GNAO1: variants seen among roughly 807,000 people sequenced by gnomAD.
The protein encoded by GNAO1 is guanine nucleotide-binding protein G(o) subunit alpha.
For synonymous variants in GNAO1, 164 were observed against 180.7 expected, an observed-to-expected ratio of 0.91 and a Z score of 0.74; for missense variants, 166 against 478.7, an observed-to-expected ratio of 0.35 and a Z score of 6.10.
chr16:56,270,058 G>T (rs538471364), intron 2 of GNAO1, among the ~76,000 whole-genome samples: 72 of 152,314 alleles, frequency 4.7e-4, no homozygotes, highest in Admixed American at 1.2e-3. Flanking sequence ...AGCAGAGAGA[G>T]AAATGGAGGT....
chr16:56,335,443 C>A (rs1213372569), intron 5 of GNAO1, among the ~76,000 whole-genome samples: 1 of 152,194 alleles, frequency 6.6e-6, no homozygotes. Context: ...AGCGCTGTGT[C>A]CCCACCTGCA....
At chr16:56,331,396 C>A (rs2037686928) in intron 4 of GNAO1, among the ~76,000 whole-genome samples, 1 of 152,152 alleles carries the variant, frequency 6.6e-6, no homozygotes, top group Non-Finnish European at 1.5e-5. Flanking sequence ...TCCATGCTGG[C>A]GTCCGACGTT....
intron 3 of GNAO1, among the ~76,000 whole-genome samples, chr16:56,319,774 G>T (rs935923624): frequency 6.6e-6 from 1 of 152,072 alleles, no homozygotes; most frequent in African/African-American, 2.4e-5. Context: ...ACCCACTTCT[G>T]GGGGGTACCT....
chr16:56,244,417 A>G (rs1230125818), intron 2 of GNAO1, among the ~76,000 whole-genome samples: 2 of 151,856 alleles, frequency 1.3e-5, no homozygotes, highest in Non-Finnish European at 2.9e-5. Flanking sequence ...TGGAGACCAT[A>G]GAGCATCTTT....
At position 56,351,370 on chromosome 16, in the gene GNAO1, T is replaced by C. The variant is rs1318370923; in HGVS notation, c.724-14T>C. 6.2e-7 allele frequency: 1 copy of C among 1,606,440 alleles called. No homozygotes were observed. The highest frequency in any genetic ancestry group is 8.5e-7 in the Non-Finnish European group (1 of 1,173,642). On this transcript the variant is annotated splice_polypyrimidine_tract_variant and intron_variant, in intron 6 of 8. Transcript: ENST00000262493. This position sits in a 1 kb window ranked among gnomAD's most constrained non-coding sequence, Gnocchi z 6.1. ...CCGCTGTCTGTCCTCTCTCCTCCCT[T>C]CCTGCGGCCGCAGAACCGCATGCAC...
intron 2 of GNAO1, among the ~76,000 whole-genome samples, chr16:56,228,670 T>C (rs1255854188): frequency 6.6e-6 from 1 of 152,122 alleles, no homozygotes; most frequent in Non-Finnish European, 1.5e-5. Context: ...TGGGAAGAGC[T>C]TCATGTTCAG....
At chr16:56,228,797 C>A (rs2036559410) in intron 2 of GNAO1, among the ~76,000 whole-genome samples, 1 of 152,208 alleles carries the variant, frequency 6.6e-6, no homozygotes, top group African/African-American at 2.4e-5. Context: ...TTAAGACCAC[C>A]CTATGTAAAT....
chr16:56,221,605 G>A (rs1230440252), intron 2 of GNAO1, among the ~76,000 whole-genome samples: 6 of 145,648 alleles, frequency 4.1e-5, no homozygotes, highest in African/African-American at 1.0e-4. Flanking sequence ...AGCCGAGATC[G>A]CGCCACTGCA....
At chr16:56,291,142 A>G (rs79980671) in intron 3 of GNAO1, among the ~76,000 whole-genome samples, 2,220 of 152,230 alleles carry the variant, frequency 0.015, 38 homozygotes, top group South Asian at 0.059. Flanking sequence ...TAGGGGCAAA[A>G]CTGATGGTTC....
chr16:56,251,601 A>G (rs1199066304), intron 2 of GNAO1, among the ~76,000 whole-genome samples: 1 of 152,220 alleles, frequency 6.6e-6, no homozygotes, highest in Non-Finnish European at 1.5e-5. Flanking sequence ...TTTTCCTAAC[A>G]GCCTCCTTTA....
chr16:56,275,863 T>G, intron 2 of GNAO1, 68 bp from the exon 3 acceptor site: 1 of 1,409,444 alleles, frequency 7.1e-7, no homozygotes, highest in South Asian at 1.6e-5. Context: ...GTGCGTCTCA[T>G]GCCTGTGCTC....
intron 6 of GNAO1, chr16:56,344,983 G>A (rs1250470280): frequency 1.0e-6 from 1 of 982,310 alleles, no homozygotes; most frequent in East Asian, 1.2e-4. Context: ...CCCAGCCCCT[G>A]GGGACAGAGG....
intron 2 of GNAO1, among the ~76,000 whole-genome samples, chr16:56,273,814 T>A (rs531179370): frequency 2.2e-4 from 34 of 152,366 alleles, no homozygotes; most frequent in African/African-American, 6.3e-4. Flanking sequence ...CCCCAGGCGT[T>A]CAACAAGGAC....
chr16:56,192,892 C>T (rs1379824122), intron 2 of GNAO1: 1 of 468,074 alleles, frequency 2.1e-6, no homozygotes, highest in Non-Finnish European at 3.9e-6. Context: ...TTGATCAGAA[C>T]ATCACACTAT....
At chr16:56,295,575 C>G (rs1323920268) in intron 3 of GNAO1, among the ~76,000 whole-genome samples, 2 of 152,154 alleles carry the variant, frequency 1.3e-5, no homozygotes, top group Non-Finnish European at 2.9e-5. Flanking sequence ...AAATCGAAAG[C>G]ACCACCTTTC....
intron 3 of GNAO1, among the ~76,000 whole-genome samples, chr16:56,328,327 G>A (rs181981571): frequency 1.3e-5 from 2 of 152,330 alleles, no homozygotes; most frequent in African/African-American, 2.4e-5. Flanking sequence ...TTGAGTTGGA[G>A]AGTGGAGAAC....
At chr16:56,263,035 G>A (rs2036918095) in intron 2 of GNAO1, among the ~76,000 whole-genome samples, 1 of 152,216 alleles carries the variant, frequency 6.6e-6, no homozygotes, top group Non-Finnish European at 1.5e-5. Context: ...TTAGAAACCT[G>A]TGAGAACCAA....
At chr16:56,199,535 A>G (rs1567435258) in intron 2 of GNAO1, among the ~76,000 whole-genome samples, 1 of 152,198 alleles carries the variant, frequency 6.6e-6, no homozygotes, top group Non-Finnish European at 1.5e-5. Context: ...GGGAGCAGAG[A>G]GATTTGCAGA....
chr16:56,272,059 T>C (rs2143511641), intron 2 of GNAO1, among the ~76,000 whole-genome samples: 1 of 152,328 alleles, frequency 6.6e-6, no homozygotes, highest in East Asian at 1.9e-4. Flanking sequence ...GCCAGAGGGA[T>C]GACTTAACAT....
Sources: allele counts gnomAD v4.1 joint callset (sites outside exome capture counted in the v4.1 genomes callset), GRCh38; gene constraint gnomAD v4.1.1; non-coding constraint Gnocchi (gnomAD v3.1); transcripts MANE v1.5; gene names NCBI Gene and HGNC (gene_info 2026-07-23, HGNC 2026-07-21).